RNF115: variants seen among roughly 807,000 people sequenced by gnomAD.
RNF115 encodes the protein ring finger protein 115.
RNF115 carries 31 observed loss-of-function variants against 39.2 expected under a neutral mutation model. The observed-to-expected ratio is 0.79, with a 90% CI of 0.59 to 1.07. The LOEUF (loss-of-function observed/expected upper bound fraction) is 1.07. RNF115 is among the 50% of genes least tolerant of loss of function. RNF115 has a pLI of 0.00. For missense variants in RNF115, 384 were observed against 381.7 expected, an observed-to-expected ratio of 1.01 and a Z score of -0.05; for synonymous variants, 124 against 131.0, an observed-to-expected ratio of 0.95 and a Z score of 0.37.
chr1:145,818,127 T>C (rs1650071749), intron 1 of RNF115, among the ~76,000 whole-genome samples: 1 of 151,856 alleles, frequency 6.6e-6, no homozygotes. Flanking sequence ...CAGTAATGGA[T>C]TGCTGGGCAG....
chr1:145,752,909 G>T, intron 5 of RNF115, 69 bp downstream of exon 5: 1 of 1,139,766 alleles, frequency 8.8e-7, no homozygotes, highest in Non-Finnish European at 1.3e-6. Context: ...TTTCTCTACT[G>T]CACAGAAATG....
chr1:145,793,897 G>A (rs1218202996), intron 1 of RNF115, among the ~76,000 whole-genome samples: 1 of 147,858 alleles, frequency 6.8e-6, no homozygotes, highest in Non-Finnish European at 1.5e-5. Flanking sequence ...AGGCTGGAGT[G>A]CAATGGCACA....
At chr1:145,791,225 A>C (rs1553718915) in intron 1 of RNF115, among the ~76,000 whole-genome samples, 1 of 151,850 alleles carries the variant, frequency 6.6e-6, no homozygotes, top group African/African-American at 2.4e-5. Context: ...CAAAAGACAT[A>C]AACTGGGCCA....
chr1:145,823,665 C>G lies in RNF115; in HGVS notation c.102+107G>C, dbSNP rs1174536090. ...AGTGGGCAGCAGGTATTCGGCAGAC[C>G]GATGTCGGGCGAGTCAATGATGTGC... On this transcript the variant is annotated intron_variant, in intron 1 of 8. Coordinates refer to ENST00000582693, the MANE Select transcript of RNF115 (RefSeq NM_014455.4). The G allele has an allele frequency of 2.8e-5, 26 of 928,340 alleles. No individual in the cohort carries two copies. In the Middle Eastern group the frequency reaches 2.4e-3, roughly 87 times the overall value. The allele number at this position is 928,340 out of a possible 1,614,324, so 57.5% of individuals were successfully genotyped here.
At chr1:145,783,981 A>G (rs1372922953) in intron 3 of RNF115, among the ~76,000 whole-genome samples, 3 of 152,228 alleles carry the variant, frequency 2.0e-5, no homozygotes, top group Non-Finnish European at 4.4e-5. Flanking sequence ...TTCCCAAAAA[A>G]TATGGACGCC....
At chr1:145,808,012 T>C (rs587686166) in intron 1 of RNF115, among the ~76,000 whole-genome samples, 5 of 152,090 alleles carry the variant, frequency 3.3e-5, no homozygotes, top group Non-Finnish European at 5.9e-5. Flanking sequence ...TTGCTACAAA[T>C]GGCACGACTT....
chr1:145,748,117 A>G lies in RNF115; in HGVS notation c.668-7T>C, dbSNP rs782154319. ...GGACACTCTAAACCCATATCTGTTGAAGAAGGAAATGCCTTTTAAAGTAAA... is the reference window on the plus strand; with the variant it reads ...GGACACTCTAAACCCATATCTGTTGGAGAAGGAAATGCCTTTTAAAGTAAA... On this transcript the variant is annotated splice_region_variant and splice_polypyrimidine_tract_variant and intron_variant, in intron 7 of 8. Transcript: ENST00000582693. The G allele has an allele frequency of 1.9e-6, 3 of 1,595,690 alleles. No individual in the cohort carries two copies. The South Asian group carries it at 3.3e-5, about 18-fold the overall frequency.
rs1194401270 is a variant in RNF115, at chr1:145,770,132, A to G, written c.428+1579T>C. On this transcript the variant is annotated intron_variant, in intron 4 of 8. Coordinates refer to ENST00000582693, the MANE Select transcript of RNF115 (RefSeq NM_014455.4). ...TGCATTAACTGTTTAAGGGAGAAAA[A>G]CTCTAAGGTCATTTTGATAGGACTG... Among the ~76,000 whole-genome samples the G allele has an allele frequency of 2.0e-5, 3 of 152,254 alleles. No homozygotes were observed. In the East Asian group the frequency reaches 5.8e-4, roughly 29 times the overall value.
chr1:145,751,101 G>A (rs1658070427), intron 6 of RNF115, among the ~76,000 whole-genome samples: 1 of 152,128 alleles, frequency 6.6e-6, no homozygotes, highest in African/African-American at 2.4e-5. Flanking sequence ...GCTTCAACAT[G>A]TGAGGAAACC....
Position 145,824,048 on chromosome 1 carries a change from A to T in RNF115, c.-175T>A. 2.0e-6 allele frequency: 1 copy of T among 493,978 alleles called. No homozygotes were observed. Among genetic ancestry groups the T allele is most frequent in the Non-Finnish European group, 3.5e-6 (1 of 285,878 alleles). 30.6% of individuals were successfully genotyped at this position (493,978 alleles called of 1,614,324 possible). On this transcript the variant is annotated 5_prime_UTR_variant, in exon 1 of 9. Coordinates refer to ENST00000582693, the MANE Select transcript of RNF115 (RefSeq NM_014455.4). ...CAGAAACGCGGCGGCGCCAACAGCT[A>T]CCCTGCGGCCCGCCTCCCAGCACCA...
chr1:145,793,578 T>C (rs1484924209), intron 1 of RNF115, among the ~76,000 whole-genome samples: 1 of 152,030 alleles, frequency 6.6e-6, no homozygotes, highest in African/African-American at 2.4e-5. Context: ...GTCTTCTGAA[T>C]TCCAGACTCA....
At chr1:145,748,194 G>A (rs1553712036) in intron 7 of RNF115, 84 bp from the exon 8 acceptor site, 5 of 877,352 alleles carry the variant, frequency 5.7e-6, no homozygotes, top group South Asian at 2.8e-5. Context: ...CCAACCCTAC[G>A]AATGCATAAA....
rs587704606 is a variant in RNF115 at position 145,763,902 on chromosome 1, C to T, written c.428+7809G>A. Among the ~76,000 whole-genome samples, 10 of 106,372 alleles carry T rather than the reference C, an allele frequency of 9.4e-5. No individual in the cohort carries two copies. In the South Asian group the frequency reaches 3.5e-3, roughly 38 times the overall value. 69.8% of individuals were successfully genotyped at this position (106,372 alleles called of 152,430 possible). On this transcript the variant is annotated intron_variant, in intron 4 of 8. Coordinates refer to ENST00000582693, the MANE Select transcript of RNF115 (RefSeq NM_014455.4). ...TATTTGGCCCTCCCCCTCCCCCTCC[C>T]CCTCTCCCTCTCCCCATGGTCTCCC...
rs587704386 is a variant in RNF115 at position 145,809,409 on chromosome 1, G to A, written c.102+14363C>T. Among the ~76,000 whole-genome samples, 10 of 150,458 alleles carry A rather than the reference G, an allele frequency of 6.6e-5. No individual in the cohort carries two copies. The East Asian group carries it at 1.6e-3, about 23-fold the overall frequency. On this transcript the variant is annotated intron_variant, in intron 1 of 8. Transcript: ENST00000582693. ...CTATGCTGGCTGGTCTCAAACTCCC[G>A]ACCTCAGGTGATCTGCCCGCTTCAG... is the stretch of plus-strand genomic sequence containing the variant.
At chr1:145,765,932 C>T (rs1218691721) in intron 4 of RNF115, among the ~76,000 whole-genome samples, 1 of 151,852 alleles carries the variant, frequency 6.6e-6, no homozygotes, top group Admixed American at 6.6e-5. Context: ...GTGAGGAACA[C>T]ACTAATAATC....
At chr1:145,787,078 A>G (rs1194208906) in intron 2 of RNF115, 2 of 1,252,466 alleles carry the variant, frequency 1.6e-6, no homozygotes, top group Non-Finnish European at 2.1e-6. Context: ...CAACAGTAAC[A>G]GTAAAGGAAT....
At chr1:145,772,425 C>T (rs188095193) in intron 3 of RNF115, 1 of 153,500 alleles carries the variant, frequency 6.5e-6, no homozygotes, top group Non-Finnish European at 1.5e-5. Flanking sequence ...AACAATGAAG[C>T]CCCCTCAGCT....
intron 1 of RNF115, among the ~76,000 whole-genome samples, chr1:145,805,463 A>T (rs1290478285): frequency 6.6e-6 from 1 of 152,084 alleles, no homozygotes; most frequent in Non-Finnish European, 1.5e-5. Context: ...AAAAAAAAAA[A>T]TGAAGTTTTA....
intron 3 of RNF115, among the ~76,000 whole-genome samples, chr1:145,774,681 TA>T (rs1343140484): frequency 6.6e-6 from 1 of 152,184 alleles, no homozygotes; most frequent in Non-Finnish European, 1.5e-5. Context: ...AACTCAGTGT[TA>T]AATCACACTG....
Sources: allele counts gnomAD v4.1 joint callset (sites outside exome capture counted in the v4.1 genomes callset), GRCh38; gene constraint gnomAD v4.1.1; transcripts MANE v1.5; gene names NCBI Gene and HGNC (gene_info 2026-07-23, HGNC 2026-07-21).